The following NRG1 variants were observed in gnomAD, a reference collection of about 807,000 sequenced individuals.
NRG1 encodes neuregulin 1, also known as pro-neuregulin-1, membrane-bound isoform.
NRG1 carries 18 observed loss-of-function variants against 63.8 expected under a neutral mutation model. The ratio of observed to expected loss-of-function variants is 0.28; its 90% CI spans 0.19 to 0.42. NRG1 has a LOEUF of 0.42. Ranked by LOEUF, NRG1 falls within the 10% of genes least tolerant of loss-of-function variation. The pLI is 1.00. For missense variants in NRG1, 762 were observed against 814.7 expected, an observed-to-expected ratio of 0.94 and a Z score of 0.79; for synonymous variants, 302 against 301.3, an observed-to-expected ratio of 1.00 and a Z score of -0.02.
intron 1 of NRG1, among the ~76,000 whole-genome samples, chr8:32,566,130 G>T (rs1292840626): frequency 6.6e-6 from 1 of 152,090 alleles, no homozygotes; most frequent in African/African-American, 2.4e-5. Context: ...AAGGAGACGG[G>T]TGGATCACCT....
chr8:32,142,612 C>T lies in NRG1; in HGVS notation c.38-453216C>T, dbSNP rs1016938291. Reference sequence around the variant, plus strand: ...ATCTGCCTAGCAAATTGGAAGGGGCCAGAAGCTCAAATGCTATTGAGAACC... The same window carrying T: ...ATCTGCCTAGCAAATTGGAAGGGGCTAGAAGCTCAAATGCTATTGAGAACC... On this transcript the variant is annotated intron_variant, in intron 1 of 10. Transcript: ENST00000519301. 1.1e-4 allele frequency among the ~76,000 whole-genome samples: 16 copies of T among 152,074 alleles called. 1 individual carries two copies. The highest frequency in any genetic ancestry group is 9.2e-4 in the Admixed American group (14 of 15,254).
At chr8:32,535,183 A>C (rs537043457) in intron 1 of NRG1, among the ~76,000 whole-genome samples, 1 of 152,284 alleles carries the variant, frequency 6.6e-6, no homozygotes, top group East Asian at 1.9e-4. Flanking sequence ...ATTTGTACAG[A>C]TCAACAGATA....
rs1486701483 is a variant in NRG1, at chr8:32,280,686, TTTTTG to T, written c.38-315137_38-315133del. Among the ~76,000 whole-genome samples the T allele has an allele frequency of 2.7e-3, 289 of 105,414 alleles. 7 individuals are homozygous for T. The highest frequency in any genetic ancestry group is 0.011 in the African/African-American group (263 of 23,052). The allele number at this position is 105,414 out of a possible 152,430, so 69.2% of individuals were successfully genotyped here. On this transcript the variant is annotated intron_variant, in intron 1 of 10. Coordinates refer to the NRG1 transcript ENST00000519301. ...TTTCATGCAACTGAATTAGGTTTTT[TTTTTG>T]TTTTTTTTTTTTTTTTTTTTTTTCA...
chr8:32,525,096 A>G (rs1333474045), intron 1 of NRG1, among the ~76,000 whole-genome samples: 1 of 152,214 alleles, frequency 6.6e-6, no homozygotes, highest in African/African-American at 2.4e-5. Flanking sequence ...TGTATGTATC[A>G]CAACAGAGGA....
intron 1 of NRG1, among the ~76,000 whole-genome samples, chr8:32,195,040 C>T (rs990806049): frequency 2.6e-5 from 4 of 152,148 alleles, no homozygotes; most frequent in African/African-American, 9.7e-5. Context: ...ACTTCATCAA[C>T]ACCATTTACT....
At chr8:31,980,522 A>G (rs946798443) in intron 1 of NRG1, among the ~76,000 whole-genome samples, 1 of 152,064 alleles carries the variant, frequency 6.6e-6, no homozygotes, top group Non-Finnish European at 1.5e-5. Flanking sequence ...AAATGCTTTC[A>G]TCTGTATCCA....
chr8:32,242,409 G>T (rs1848193567), intron 1 of NRG1, among the ~76,000 whole-genome samples: 1 of 152,180 alleles, frequency 6.6e-6, no homozygotes, highest in South Asian at 2.1e-4. Context: ...GGGAGGCGGA[G>T]GTTGCAGTGA....
intron 1 of NRG1, among the ~76,000 whole-genome samples, chr8:32,421,364 C>T (rs1485337725): frequency 6.6e-6 from 1 of 152,162 alleles, no homozygotes; most frequent in African/African-American, 2.4e-5. Context: ...CTTGCCTACT[C>T]CTGGCATACC....
At chr8:32,662,044 G>T (rs1312006941) in intron 5 of NRG1, among the ~76,000 whole-genome samples, 2 of 152,128 alleles carry the variant, frequency 1.3e-5, no homozygotes, top group East Asian at 1.9e-4. Flanking sequence ...AAATATTTAA[G>T]ATGATGCATA....
intron 1 of NRG1, among the ~76,000 whole-genome samples, chr8:31,951,154 C>A (rs1304585669): frequency 1.3e-5 from 2 of 152,128 alleles, no homozygotes; most frequent in African/African-American, 4.8e-5. Flanking sequence ...AAAAGAGTTC[C>A]AGGTTGAAAA....
chr8:32,320,066 G>A (rs9886553), intron 1 of NRG1, among the ~76,000 whole-genome samples: 4,287 of 152,186 alleles, frequency 0.028, 213 homozygotes, highest in African/African-American at 0.097. Context: ...AGAGCTGTAC[G>A]ACTGTGAGCA....
At chr8:32,628,724 C>T (rs1849728526) in intron 5 of NRG1, among the ~76,000 whole-genome samples, 2 of 149,670 alleles carry the variant, frequency 1.3e-5, no homozygotes, top group East Asian at 2.0e-4. Context: ...TATAATAAAA[C>T]TTTCTGCCCT....
chr8:32,419,109 A>T (rs982025232), intron 1 of NRG1, among the ~76,000 whole-genome samples: 1 of 152,188 alleles, frequency 6.6e-6, no homozygotes, highest in Non-Finnish European at 1.5e-5. Context: ...TGAGAGATGG[A>T]TTTCCTAGAG....
intron 1 of NRG1, among the ~76,000 whole-genome samples, chr8:32,221,413 T>A (rs1298972764): frequency 6.6e-6 from 1 of 152,216 alleles, no homozygotes; most frequent in Admixed American, 6.5e-5. Context: ...TGAACAGAGC[T>A]GCTTTTGCAA....
At chr8:32,687,427 C>A (rs1407857358) in intron 5 of NRG1, among the ~76,000 whole-genome samples, 1 of 152,114 alleles carries the variant, frequency 6.6e-6, no homozygotes, top group African/African-American at 2.4e-5. Context: ...TCCCAAAGGT[C>A]AGGGGAAGAA....
chr8:32,577,759 T>G (rs369064275), intron 1 of NRG1, among the ~76,000 whole-genome samples: 1 of 152,048 alleles, frequency 6.6e-6, no homozygotes, highest in Non-Finnish European at 1.5e-5. Flanking sequence ...CTAGCAGAAA[T>G]CAGTATTAAC....
chr8:32,236,684 G>T (rs1847595012), intron 1 of NRG1, among the ~76,000 whole-genome samples: 1 of 152,206 alleles, frequency 6.6e-6, no homozygotes, highest in African/African-American at 2.4e-5. Flanking sequence ...TCTTCATGGG[G>T]AATAAGACCA....
chr8:32,684,254 G>A (rs551572305), intron 5 of NRG1, among the ~76,000 whole-genome samples: 1 of 152,120 alleles, frequency 6.6e-6, no homozygotes, highest in Non-Finnish European at 1.5e-5. Context: ...AAAAAATTTT[G>A]TCAGGCTTAT....
At chr8:32,624,936 T>G (rs1848955217) in intron 5 of NRG1, among the ~76,000 whole-genome samples, 1 of 152,206 alleles carries the variant, frequency 6.6e-6, no homozygotes, top group African/African-American at 2.4e-5. Context: ...TTGGGTGTTT[T>G]TTGTTTTCAA....
Sources: gnomAD v4.1 joint callset for allele counts (sites outside exome capture counted in the v4.1 genomes callset) on GRCh38, gnomAD v4.1.1 for gene constraint, MANE v1.5 for transcripts, NCBI Gene and HGNC (gene_info 2026-07-23, HGNC 2026-07-21) for gene names.